Variants in PREX1 observed in about 807,000 individuals in gnomAD.
PREX1 encodes the protein phosphatidylinositol 3,4,5-trisphosphate-dependent Rac exchanger 1 protein.
A neutral mutation model predicts 198.3 loss-of-function variants in PREX1; 41 were observed. The observed-to-expected ratio is 0.21, with a 90% CI of 0.16 to 0.27. The LOEUF (loss-of-function observed/expected upper bound fraction) is 0.27, where lower values mean the gene tolerates loss of function less well. Among genes scored for constraint, PREX1 ranks in the 10% least tolerant of loss-of-function variants. The pLI, the probability that PREX1 is intolerant of heterozygous loss-of-function variation, is 1.00. For missense variants in PREX1, 1,620 were observed against 2,200.7 expected (o/e 0.74, Z 5.28); for synonymous variants, 843 against 887.2 (o/e 0.95, Z 0.89).
the PREX1 span, among the ~76,000 whole-genome samples, chr20:48,863,030 G>T: frequency 1.3e-5 from 2 of 151,714 alleles, no homozygotes; most frequent in South Asian, 4.2e-4. Context: ...GTCACACCAG[G>T]TTGCCTGGGC....
the PREX1 span, among the ~76,000 whole-genome samples, chr20:48,874,288 A>G: frequency 6.6e-6 from 1 of 152,082 alleles, no homozygotes; most frequent in Non-Finnish European, 1.5e-5. Context: ...AGCTGCCTCT[A>G]TAAAAGCACA....
At chr20:48,720,942 C>A (rs532106034) in intron 5 of PREX1, among the ~76,000 whole-genome samples, 1 of 152,142 alleles carries the variant, frequency 6.6e-6, no homozygotes, top group Non-Finnish European at 1.5e-5. Flanking sequence ...GGCTGTACCC[C>A]AAGCAGCCAC....
chr20:48,672,747 T>G (rs1246025246), intron 14 of PREX1, among the ~76,000 whole-genome samples: 1 of 152,164 alleles, frequency 6.6e-6, no homozygotes, highest in Admixed American at 6.5e-5. Context: ...CAAATGTCCC[T>G]CCTCAGTATG....
At chr20:48,863,202 C>A in the PREX1 span, among the ~76,000 whole-genome samples, 1 of 152,128 alleles carries the variant, frequency 6.6e-6, no homozygotes, top group Non-Finnish European at 1.5e-5. Flanking sequence ...CCCTTATACT[C>A]CCTCTCTCCC....
intron 35 of PREX1, 24 bp downstream of exon 35, chr20:48,632,253 C>T (rs1325356881): frequency 6.2e-7 from 1 of 1,611,550 alleles, no homozygotes; most frequent in East Asian, 2.2e-5. Flanking sequence ...ACTCCTGCCC[C>T]CAACGGGGAC....
chr20:48,738,945 TC>T, intron 3 of PREX1, among the ~76,000 whole-genome samples: 1 of 152,146 alleles, frequency 6.6e-6, no homozygotes, highest in Admixed American at 6.5e-5. Flanking sequence ...CTCAACAGTC[TC>T]CCCAAATTAT....
At chr20:48,634,008 T>C (rs762277363) in intron 33 of PREX1, among the ~76,000 whole-genome samples, 17 of 151,510 alleles carry the variant, frequency 1.1e-4, no homozygotes, top group Non-Finnish European at 1.3e-4. Flanking sequence ...GATGGATGGA[T>C]GGACAGATGT....
chr20:48,870,739 G>A, the PREX1 span, among the ~76,000 whole-genome samples: 1 of 151,058 alleles, frequency 6.6e-6, no homozygotes, highest in East Asian at 2.0e-4. Context: ...CTTGAGGTCA[G>A]GAATTCGAGA....
Position 48,642,240 on chromosome 20 carries a change from G to C in PREX1, c.3703C>G (p.Leu1235Val). The C allele has an allele frequency of 1.9e-6, 3 of 1,614,198 alleles. No homozygotes were observed. The highest frequency in any genetic ancestry group is 2.2e-5 in the East Asian group (1 of 44,876). ...LFNQVDSINALLKGPVMSRAF... is the reference protein window; with the variant it reads ...LFNQVDSINAVLKGPVMSRAF... ...CGGCTCATGACTGGCCCCTTGAGGAGAGCATTGATGGAGTCCACCTGGGTG... is the reference window on the plus strand; with the variant it reads ...CGGCTCATGACTGGCCCCTTGAGGACAGCATTGATGGAGTCCACCTGGGTG... The change falls in exon 29 of 40, where the codon CTC becomes GTC. Residue 1235 changes from leucine (L) to valine (V), a missense_variant. Physicochemically the swap from Leu to Val is conservative, Grantham distance 32 (BLOSUM62 1). Transcript: ENST00000371941.
intron 15 of PREX1, among the ~76,000 whole-genome samples, chr20:48,665,242 T>TGGCCTGAATTCTAATCCCGCCCCAGAC (rs2089629548): frequency 7.8e-6 from 1 of 127,736 alleles, no homozygotes; most frequent in Non-Finnish European, 1.6e-5. Context: ...TGGCTCCAGA[T>TGGCCTGAATTCTAATCCCGCCCCAGAC]GGCCTGAATT....
At chr20:48,860,636 C>T in the PREX1 span, among the ~76,000 whole-genome samples, 2 of 152,002 alleles carry the variant, frequency 1.3e-5, no homozygotes, top group Non-Finnish European at 2.9e-5. Flanking sequence ...GTCAGGAGAT[C>T]GAGACCATCC....
chr20:48,662,695 C>A (rs774996737), intron 15 of PREX1, among the ~76,000 whole-genome samples: 6 of 152,258 alleles, frequency 3.9e-5, no homozygotes, highest in African/African-American at 1.2e-4. Context: ...CCCTCCCAAT[C>A]GCCCATCCTG....
chr20:48,726,515 C>T (rs1402541160), intron 4 of PREX1, 124 bp from the exon 5 acceptor site: 4 of 696,778 alleles, frequency 5.7e-6, no homozygotes, highest in African/African-American at 5.4e-5. Context: ...TTTAGCGACC[C>T]GTAGAAGTGA....
chr20:48,787,740 T>G (rs962349909), intron 1 of PREX1, among the ~76,000 whole-genome samples: 1 of 152,038 alleles, frequency 6.6e-6, no homozygotes, highest in East Asian at 1.9e-4. Context: ...GGTTGCAAAA[T>G]GTTCTGAAAA....
intron 1 of PREX1, among the ~76,000 whole-genome samples, chr20:48,770,594 C>T (rs193298515): frequency 2.2e-4 from 33 of 152,278 alleles, no homozygotes; most frequent in Admixed American, 2.2e-3. Context: ...CCTGTAATCC[C>T]AGCTACTTGG....
chr20:48,645,754 A>G, intron 26 of PREX1, 97 bp downstream of exon 26: 1 of 1,348,896 alleles, frequency 7.4e-7, no homozygotes, highest in South Asian at 1.3e-5. Context: ...CTGCACCCTG[A>G]GAAGTGTCCA....
intron 1 of PREX1, among the ~76,000 whole-genome samples, chr20:48,763,074 C>T (rs1476663080): frequency 2.6e-5 from 4 of 152,148 alleles, no homozygotes; most frequent in African/African-American, 9.7e-5. Context: ...ATGAATATAC[C>T]GAAAACCATT....
intron 5 of PREX1, among the ~76,000 whole-genome samples, chr20:48,724,253 TTTC>T (rs1378078683): frequency 2.1e-4 from 28 of 131,064 alleles, no homozygotes; most frequent in East Asian, 1.3e-3. Context: ...GGCCACTTCC[TTTC>T]TCTGTGCCTC....
At chr20:48,797,716 C>T (rs1258346940) in intron 1 of PREX1, among the ~76,000 whole-genome samples, 2 of 152,238 alleles carry the variant, frequency 1.3e-5, no homozygotes, top group Non-Finnish European at 2.9e-5. Context: ...GCGAGCTGCT[C>T]GTGGCCCTGG....
Sources: gnomAD v4.1 joint callset for allele counts (sites outside exome capture counted in the v4.1 genomes callset) on GRCh38, gnomAD v4.1.1 for gene constraint, MANE v1.5 for transcripts, NCBI Gene and HGNC (gene_info 2026-07-23, HGNC 2026-07-21) for gene names.